The following CNTNAP2 variants were observed in gnomAD, a reference collection of about 807,000 sequenced individuals.
CNTNAP2 encodes the protein contactin-associated protein-like 2.
In CNTNAP2, 98 loss-of-function variants were observed where a neutral mutation model predicts 155.2. That is an observed-to-expected ratio of 0.63 (90% CI 0.54 to 0.75). The LOEUF (loss-of-function observed/expected upper bound fraction) is 0.75, where lower values mean the gene tolerates loss of function less well. Ranked by LOEUF, CNTNAP2 falls within the 30% of genes least tolerant of loss-of-function variation. The pLI, the probability that CNTNAP2 is intolerant of heterozygous loss-of-function variation, is 0.00. For missense variants in CNTNAP2, 1,727 were observed against 1,688.1 expected, an observed-to-expected ratio of 1.02 and a Z score of -0.40; for synonymous variants, 651 against 631.2, an observed-to-expected ratio of 1.03 and a Z score of -0.47.
At chr7:147,131,802 A>G (rs867640040) in intron 7 of CNTNAP2, among the ~76,000 whole-genome samples, 30 of 152,182 alleles carry the variant, frequency 2.0e-4, no homozygotes, top group African/African-American at 7.0e-4. Flanking sequence ...GTCCCCACTG[A>G]GACCAGAGTA....
rs538361913 is a variant in CNTNAP2 at position 147,240,466 on chromosome 7, C to T, written c.1349-59675C>T. The stretch of plus-strand genomic sequence containing the variant: ...CATAAAACATAATAAAACAAAACAA[C>T]TTTATTTCCTATTTTCCTTCCCAAG... On this transcript the variant is annotated intron_variant, in intron 8 of 23. Transcript: ENST00000361727. Among the ~76,000 whole-genome samples, 44 of 152,278 alleles carry T rather than the reference C, an allele frequency of 2.9e-4. 1 individual carries two copies. The highest frequency in any genetic ancestry group is 1.1e-3 in the African/African-American group (44 of 41,572).
chr7:147,935,307 A>G (rs1272605690), intron 14 of CNTNAP2, among the ~76,000 whole-genome samples: 1 of 151,924 alleles, frequency 6.6e-6, no homozygotes, highest in Non-Finnish European at 1.5e-5. Context: ...TTGCATTTTT[A>G]GTAGAGACGG....
intron 15 of CNTNAP2, among the ~76,000 whole-genome samples, chr7:148,116,848 T>G (rs750814360): frequency 2.0e-5 from 3 of 152,232 alleles, no homozygotes; most frequent in Non-Finnish European, 2.9e-5. Context: ...ACTTAGTTGA[T>G]TCATTGTGCC....
chr7:148,222,518 CGA>C (rs1424196828), intron 19 of CNTNAP2, among the ~76,000 whole-genome samples: 4 of 151,300 alleles, frequency 2.6e-5, no homozygotes, highest in Admixed American at 6.6e-5. Context: ...TTCCATGAAT[CGA>C]TGAATGGATC....
chr7:147,654,156 A>T (rs1795490411), intron 13 of CNTNAP2, among the ~76,000 whole-genome samples: 1 of 152,238 alleles, frequency 6.6e-6, no homozygotes, highest in Non-Finnish European at 1.5e-5. Context: ...AATGCTGGTT[A>T]TGCTACATAG....
chr7:147,333,018 A>G (rs1247962618), intron 9 of CNTNAP2, among the ~76,000 whole-genome samples: 1 of 152,208 alleles, frequency 6.6e-6, no homozygotes, highest in African/African-American at 2.4e-5. Flanking sequence ...CAAGGGATAC[A>G]TTAAATGTGA....
At chr7:148,279,064 G>T (rs557571547) in intron 21 of CNTNAP2, among the ~76,000 whole-genome samples, 1 of 152,326 alleles carries the variant, frequency 6.6e-6, no homozygotes, top group African/African-American at 2.4e-5. Flanking sequence ...TTAGCCAGCA[G>T]CCAATTGCAC....
At chr7:147,425,705 A>T (rs1435280716) in intron 10 of CNTNAP2, among the ~76,000 whole-genome samples, 3 of 152,102 alleles carry the variant, frequency 2.0e-5, no homozygotes, top group Non-Finnish European at 2.9e-5. Context: ...TCGTCCATAT[A>T]CCCAAGGAAG....
At chr7:147,409,801 A>T (rs921046658) in intron 10 of CNTNAP2, among the ~76,000 whole-genome samples, 1 of 152,122 alleles carries the variant, frequency 6.6e-6, no homozygotes, top group African/African-American at 2.4e-5. Context: ...AAAAAAAAAA[A>T]ACCTCAACAT....
chr7:146,797,353 T>G (rs968471207), intron 2 of CNTNAP2, among the ~76,000 whole-genome samples: 1 of 152,104 alleles, frequency 6.6e-6, no homozygotes, highest in Non-Finnish European at 1.5e-5. Flanking sequence ...TGGAGAAGAT[T>G]GTATGGGAGG....
chr7:147,782,634 C>A (rs1797676578), intron 13 of CNTNAP2, among the ~76,000 whole-genome samples: 1 of 152,086 alleles, frequency 6.6e-6, no homozygotes, highest in South Asian at 2.1e-4. Flanking sequence ...ATCCTAATGA[C>A]CAAATTACCT....
chr7:146,117,200 C>G (rs1198921790), intron 1 of CNTNAP2: 2 of 561,604 alleles, frequency 3.6e-6, no homozygotes, highest in African/African-American at 1.9e-5. Flanking sequence ...AAAGTTGTTC[C>G]TGGTCTTGGT....
intron 12 of CNTNAP2, among the ~76,000 whole-genome samples, chr7:147,566,701 A>T (rs1264546521): frequency 6.6e-6 from 1 of 151,994 alleles, no homozygotes; most frequent in Non-Finnish European, 1.5e-5. Context: ...TAATCCAATC[A>T]CCTCTCACCA....
chr7:147,408,824 G>A (rs565557220), intron 10 of CNTNAP2, among the ~76,000 whole-genome samples: 48 of 152,262 alleles, frequency 3.2e-4, no homozygotes, highest in Admixed American at 5.2e-4. Context: ...TGAGCAATAC[G>A]CAGCCATTGA....
At chr7:146,448,578 G>C (rs905174985) in intron 1 of CNTNAP2, among the ~76,000 whole-genome samples, 42 of 151,256 alleles carry the variant, frequency 2.8e-4, no homozygotes, top group African/African-American at 1.0e-3. Context: ...GTAATCGTTT[G>C]TTAAAACATT....
At chr7:147,110,217 C>A (rs1800847986) in intron 5 of CNTNAP2, among the ~76,000 whole-genome samples, 1 of 152,086 alleles carries the variant, frequency 6.6e-6, no homozygotes, top group African/African-American at 2.4e-5. Context: ...CCGTGCCTGG[C>A]CCTGTTGTTG....
chr7:146,590,188 A>G (rs1368474280), intron 1 of CNTNAP2, among the ~76,000 whole-genome samples: 2 of 152,152 alleles, frequency 1.3e-5, no homozygotes, highest in Non-Finnish European at 2.9e-5. Context: ...TCATGCCACA[A>G]GTTGTTTCTT....
intron 1 of CNTNAP2, among the ~76,000 whole-genome samples, chr7:146,293,250 A>G (rs911691602): frequency 6.6e-6 from 1 of 152,216 alleles, no homozygotes; most frequent in African/African-American, 2.4e-5. Context: ...GAACATAGGA[A>G]TTCCCAGGAG....
intron 8 of CNTNAP2, among the ~76,000 whole-genome samples, chr7:147,176,896 T>G (rs1465357350): frequency 1.5e-5 from 2 of 130,372 alleles, no homozygotes; most frequent in Non-Finnish European, 3.1e-5. Flanking sequence ...TTATATATTA[T>G]AATAATTATA....
Sources: allele counts gnomAD v4.1 joint callset (sites outside exome capture counted in the v4.1 genomes callset), GRCh38; gene constraint gnomAD v4.1.1; transcripts MANE v1.5; gene names NCBI Gene and HGNC (gene_info 2026-07-23, HGNC 2026-07-21).